The following CDIN1 variants were observed in gnomAD, a reference collection of about 807,000 sequenced individuals.
The protein encoded by CDIN1 is CDAN1-interacting nuclease 1.
In CDIN1, 33 loss-of-function variants were observed where a neutral mutation model predicts 45.3. The observed-to-expected ratio is 0.73, with a 90% CI of 0.55 to 0.97. The LOEUF is 0.97. Among genes scored for constraint, CDIN1 ranks in the 50% least tolerant of loss-of-function variants. The pLI is 0.00. For missense variants in CDIN1, 303 were observed against 339.4 expected (o/e 0.89, Z 0.84); for synonymous variants, 118 against 124.4 (o/e 0.95, Z 0.34).
At chr15:36,756,980 G>A (rs1464323013) in intron 10 of CDIN1, among the ~76,000 whole-genome samples, 1 of 152,194 alleles carries the variant, frequency 6.6e-6, no homozygotes, top group Non-Finnish European at 1.5e-5. Context: ...CTGACAGGGA[G>A]ATGAGGCAAT....
intron 1 of CDIN1, among the ~76,000 whole-genome samples, chr15:36,620,178 C>T (rs1484123113): frequency 2.6e-5 from 4 of 151,842 alleles, no homozygotes; most frequent in Admixed American, 1.3e-4. Flanking sequence ...GATGAAACCC[C>T]GTCTCTACTA....
chr15:36,618,813 A>T (rs2039019129), intron 1 of CDIN1: 2 of 799,336 alleles, frequency 2.5e-6, no homozygotes, highest in Non-Finnish European at 4.6e-6. Context: ...GTTCAGAAGG[A>T]TGGTCTCAAC....
intron 10 of CDIN1, among the ~76,000 whole-genome samples, chr15:36,754,684 A>C (rs2053562814): frequency 6.6e-6 from 1 of 152,016 alleles, no homozygotes; most frequent in Admixed American, 6.6e-5. Flanking sequence ...TACAGTCATC[A>C]TGATATTTGA....
intron 10 of CDIN1, among the ~76,000 whole-genome samples, chr15:36,759,503 A>T (rs1311173514): frequency 6.6e-6 from 1 of 152,088 alleles, no homozygotes; most frequent in East Asian, 1.9e-4. Context: ...TAAAAAAAAA[A>T]CTCATTTAAA....
At chr15:36,723,769 CATCAGTAGTGGCATAGAT>C (rs2043522196) in intron 10 of CDIN1, among the ~76,000 whole-genome samples, 2 of 152,106 alleles carry the variant, frequency 1.3e-5, no homozygotes, top group African/African-American at 4.8e-5. Flanking sequence ...CAAACTGGCC[CATCAGTAGTGGCATAGAT>C]ATACAGTTAA....
intron 10 of CDIN1, among the ~76,000 whole-genome samples, chr15:36,784,564 C>G (rs16964052): frequency 0.18 from 27,187 of 152,124 alleles, 4,528 homozygotes; most frequent in African/African-American, 0.44. Context: ...TCCTGTTGCC[C>G]TTATTATATT....
intron 1 of CDIN1, among the ~76,000 whole-genome samples, chr15:36,638,038 T>G (rs910358027): frequency 6.6e-6 from 1 of 152,190 alleles, no homozygotes; most frequent in Non-Finnish European, 1.5e-5. Flanking sequence ...GTTATATTTT[T>G]TTAAAAAAAT....
At chr15:36,582,762 A>G (rs1042579195) in intron 1 of CDIN1, among the ~76,000 whole-genome samples, 3 of 152,222 alleles carry the variant, frequency 2.0e-5, no homozygotes, top group Non-Finnish European at 4.4e-5. Context: ...ATTTAAAAAA[A>G]TTGTACTAGT....
chr15:36,639,356 G>A (rs772561724), intron 1 of CDIN1, among the ~76,000 whole-genome samples: 26 of 123,638 alleles, frequency 2.1e-4, no homozygotes, highest in Non-Finnish European at 3.5e-4. Context: ...CTGCAATCCC[G>A]GCATTTTGGG....
chr15:36,645,212 T>G lies in CDIN1; in HGVS notation c.148-11T>G, dbSNP rs1442862205. ...AAAGATTTTTTTGTGTTGTTGTTTT[T>G]TTTCTTTCAGAAACACATTAAAAGA... On this transcript the variant is annotated splice_polypyrimidine_tract_variant and intron_variant, in intron 2 of 10. Transcript: ENST00000566621. The G allele has an allele frequency of 1.3e-6, 2 of 1,547,478 alleles. No individual in the cohort carries two copies. Among genetic ancestry groups the G allele is most frequent in the Non-Finnish European group, 1.7e-6 (2 of 1,144,770 alleles).
At chr15:36,777,394 G>T (rs2054246643) in intron 10 of CDIN1, among the ~76,000 whole-genome samples, 1 of 143,282 alleles carries the variant, frequency 7.0e-6, no homozygotes, top group Non-Finnish European at 1.5e-5. Flanking sequence ...CGCTTTGTTG[G>T]TTTTTAGATC....
chr15:36,587,055 A>C (rs2037335497), intron 1 of CDIN1, among the ~76,000 whole-genome samples: 3 of 152,224 alleles, frequency 2.0e-5, no homozygotes, highest in Admixed American at 6.5e-5. Flanking sequence ...TATATTGGTT[A>C]TTTAGTCGCT....
intron 10 of CDIN1, among the ~76,000 whole-genome samples, chr15:36,711,623 C>A (rs2043059501): frequency 1.3e-5 from 2 of 152,154 alleles, no homozygotes; most frequent in South Asian, 4.1e-4. Flanking sequence ...ACTTAGACTA[C>A]TATTGATTTA....
chr15:36,700,208 T>C (rs912965525), intron 8 of CDIN1, among the ~76,000 whole-genome samples: 1 of 152,182 alleles, frequency 6.6e-6, no homozygotes, highest in Non-Finnish European at 1.5e-5. Flanking sequence ...TTGTGTTCTC[T>C]GCATGCCAGG....
intron 8 of CDIN1, 48 bp from the exon 9 acceptor site, chr15:36,709,175 T>G: frequency 2.0e-6 from 3 of 1,471,666 alleles, no homozygotes; most frequent in Non-Finnish European, 2.8e-6. Flanking sequence ...ATTCCTATCT[T>G]GTTAATTGAA....
intron 1 of CDIN1, chr15:36,594,720 T>G (rs1485698763): frequency 2.5e-5 from 4 of 158,122 alleles, no homozygotes; most frequent in South Asian, 2.0e-4. Context: ...GAGGTTAAGG[T>G]TGAGGTGAAT....
chr15:36,734,661 C>T (rs1004433840), intron 10 of CDIN1, among the ~76,000 whole-genome samples: 4 of 152,108 alleles, frequency 2.6e-5, no homozygotes, highest in Non-Finnish European at 2.9e-5. Flanking sequence ...CTGGCTATTA[C>T]CAGACACCAA....
chr15:36,754,657 G>A (rs187539343), intron 10 of CDIN1, among the ~76,000 whole-genome samples: 3 of 149,892 alleles, frequency 2.0e-5, no homozygotes, highest in East Asian at 3.9e-4. Context: ...CAAAGTTTAA[G>A]TGCTGTGTTT....
Position 36,800,929 on chromosome 15 carries a change from A to G in CDIN1, c.717-7395A>G, listed in dbSNP as rs889302242. On this transcript the variant is annotated intron_variant, in intron 10 of 10. Transcript: ENST00000566621. ...TGTGTGTATATATATATATATATATATATATATATATATATGATTCTCTGC... is the reference window on the plus strand; with the variant it reads ...TGTGTGTATATATATATATATATATGTATATATATATATATGATTCTCTGC... Among the ~76,000 whole-genome samples, 12 of 107,800 alleles carry G rather than the reference A, an allele frequency of 1.1e-4. 1 individual carries two copies. Among genetic ancestry groups the G allele is most frequent in the East Asian group, 2.5e-4 (1 of 3,972 alleles). 70.7% of individuals were successfully genotyped at this position (107,800 alleles called of 152,430 possible).
Sources: gnomAD v4.1 joint callset for allele counts (sites outside exome capture counted in the v4.1 genomes callset) on GRCh38, gnomAD v4.1.1 for gene constraint, MANE v1.5 for transcripts, NCBI Gene and HGNC (gene_info 2026-07-23, HGNC 2026-07-21) for gene names.